Variants in LHFPL2 observed in about 807,000 individuals in gnomAD.
LHFPL2 encodes LHFPL tetraspan subfamily member 2, also known as LHFPL tetraspan subfamily member 2 protein.
LHFPL2 carries 7 observed loss-of-function variants against 17.5 expected under a neutral mutation model. The observed-to-expected ratio is 0.40, with a 90% CI of 0.23 to 0.75. The LOEUF is 0.75. LHFPL2 is among the 30% of genes least tolerant of loss of function. The pLI, the probability that LHFPL2 is intolerant of heterozygous loss-of-function variation, is 0.37. For synonymous variants in LHFPL2, 134 were observed against 116.2 expected (o/e 1.15, Z -0.99); for missense variants, 241 against 294.8 (o/e 0.82, Z 1.34).
At chr5:78,513,660 C>T (rs11744565) in intron 3 of LHFPL2, among the ~76,000 whole-genome samples, 58,068 of 151,876 alleles carry the variant, frequency 0.38, 12,720 homozygotes, top group Non-Finnish European at 0.5. Flanking sequence ...ATCATGGGGG[C>T]GGATCCCCCA....
intron 3 of LHFPL2, among the ~76,000 whole-genome samples, chr5:78,514,835 A>G (rs1755243135): frequency 6.6e-6 from 1 of 152,186 alleles, no homozygotes; most frequent in Admixed American, 6.5e-5. Context: ...CTGTTTTTCA[A>G]CTTTTTTATG....
chr5:78,554,751 G>A (rs1362754620), intron 3 of LHFPL2, among the ~76,000 whole-genome samples: 3 of 152,228 alleles, frequency 2.0e-5, no homozygotes, highest in African/African-American at 2.4e-5. Flanking sequence ...ACAGCCTCAG[G>A]AAGTGAACTG....
intron 4 of LHFPL2, among the ~76,000 whole-genome samples, chr5:78,504,475 T>A (rs1056072900): frequency 9.2e-5 from 14 of 152,118 alleles, no homozygotes; most frequent in African/African-American, 3.4e-4. Context: ...AGATCAGTCA[T>A]GGGGTTGGGC....
chr5:78,620,626 G>A (rs1481524584), intron 2 of LHFPL2, among the ~76,000 whole-genome samples: 1 of 152,156 alleles, frequency 6.6e-6, no homozygotes, highest in African/African-American at 2.4e-5. Context: ...GGTCACGAAT[G>A]GGGAAGCAAG....
chr5:78,515,040 C>A (rs771037093), intron 3 of LHFPL2, among the ~76,000 whole-genome samples: 3 of 152,144 alleles, frequency 2.0e-5, no homozygotes, highest in Non-Finnish European at 4.4e-5. Flanking sequence ...TTAGCATACA[C>A]CTCCTAAAAA....
At chr5:78,555,848 AGAAGTCAGCCAG>A (rs1231443633) in intron 3 of LHFPL2, among the ~76,000 whole-genome samples, 1 of 152,248 alleles carries the variant, frequency 6.6e-6, no homozygotes, top group Non-Finnish European at 1.5e-5. Context: ...GGCAGGCAAA[AGAAGTCAGCCAG>A]GTAGACTGAG....
intron 2 of LHFPL2, among the ~76,000 whole-genome samples, chr5:78,608,671 G>A (rs1303824957): frequency 1.3e-5 from 2 of 151,980 alleles, no homozygotes; most frequent in East Asian, 1.9e-4. Flanking sequence ...GGTGGCTCAC[G>A]CCTGTAATCC....
At chr5:78,602,915 G>A (rs542550133) in intron 2 of LHFPL2, among the ~76,000 whole-genome samples, 15 of 114,672 alleles carry the variant, frequency 1.3e-4, no homozygotes, top group Admixed American at 4.3e-4. Flanking sequence ...TGTTTGAGAC[G>A]GAGTCTTGCT....
At chr5:78,494,763 G>A (rs546616543) in intron 4 of LHFPL2, among the ~76,000 whole-genome samples, 10 of 152,294 alleles carry the variant, frequency 6.6e-5, no homozygotes, top group South Asian at 2.1e-4. Context: ...TTATCTACCC[G>A]TGCAAGAATC....
intron 3 of LHFPL2, among the ~76,000 whole-genome samples, chr5:78,555,447 G>A (rs1170104758): frequency 6.6e-6 from 1 of 152,202 alleles, no homozygotes; most frequent in African/African-American, 2.4e-5. Context: ...ACTCATTCTG[G>A]AAGTGAAGCC....
At position 78,600,726 on chromosome 5, in the gene LHFPL2, C is replaced by T. The variant is rs149172922; in HGVS notation, c.-245+31538G>A. Among the ~76,000 whole-genome samples the T allele has an allele frequency of 1.7e-3, 265 of 152,172 alleles. 1 individual carries two copies. Among genetic ancestry groups the T allele is most frequent in the Non-Finnish European group, 2.7e-3 (187 of 68,012 alleles). Reference sequence around the variant, plus strand: ...CTGGGCAACAAGAGCGAAACTCCGTCTCAAAATAAATAAATAAAGCTTTCA... The same window carrying T: ...CTGGGCAACAAGAGCGAAACTCCGTTTCAAAATAAATAAATAAAGCTTTCA... On this transcript the variant is annotated intron_variant, in intron 2 of 4. Coordinates refer to ENST00000380345, the MANE Select transcript of LHFPL2 (RefSeq NM_005779.3).
At chr5:78,529,102 C>A (rs1755703866) in intron 3 of LHFPL2, among the ~76,000 whole-genome samples, 2 of 151,518 alleles carry the variant, frequency 1.3e-5, no homozygotes, top group Admixed American at 1.3e-4. Context: ...CATAACAAGA[C>A]CACGTCTCTG....
intron 1 of LHFPL2, among the ~76,000 whole-genome samples, chr5:78,639,596 T>C (rs1327419424): frequency 3.9e-5 from 6 of 151,972 alleles, no homozygotes; most frequent in African/African-American, 4.8e-5. Context: ...CTCTCTAGAA[T>C]GTAGAATCAT....
chr5:78,585,243 G>T lies in LHFPL2; in HGVS notation c.-244-20372C>A, dbSNP rs1305366476. Among the ~76,000 whole-genome samples the T allele has an allele frequency of 1.1e-3, 133 of 119,196 alleles. 38 individuals carry two copies. Among genetic ancestry groups the T allele is most frequent in the Non-Finnish European group, 1.9e-3 (98 of 50,958 alleles). The allele number at this position is 119,196 out of a possible 152,430, so 78.2% of individuals were successfully genotyped here. ...GGGATGGTCTCGATATCCTGACCTC[G>T]TGATCCGCCCGCCTCGGCCTCCCAA... is the stretch of plus-strand genomic sequence containing the variant. On this transcript the variant is annotated intron_variant, in intron 2 of 4. Coordinates refer to ENST00000380345, the MANE Select transcript of LHFPL2 (RefSeq NM_005779.3).
At chr5:78,586,659 C>A (rs751644089) in intron 2 of LHFPL2, among the ~76,000 whole-genome samples, 2 of 152,182 alleles carry the variant, frequency 1.3e-5, no homozygotes, top group Non-Finnish European at 2.9e-5. Context: ...TCCTGCTCCA[C>A]CCACTCAGGT....
chr5:78,644,566 G>T, intron 1 of LHFPL2: 1 of 502,544 alleles, frequency 2.0e-6, no homozygotes, highest in South Asian at 2.6e-5. Flanking sequence ...AGGCCTCTTG[G>T]GTACATTGGG....
At position 78,644,250 on chromosome 5, in the gene LHFPL2, A is replaced by C; in HGVS notation, c.-350+4249T>G. On this transcript the variant is annotated intron_variant, in intron 1 of 4. Transcript: ENST00000380345. Reference sequence around the variant, plus strand: ...AATGCTTTATAGATAAGAAAAAAAAACTGTGCTAGAACCAACTTATTCATC... The same window carrying C: ...AATGCTTTATAGATAAGAAAAAAAACCTGTGCTAGAACCAACTTATTCATC... 3 of 722,568 alleles carry C rather than the reference A, an allele frequency of 4.2e-6. No individual in the cohort carries two copies. The South Asian group carries it at 4.8e-5, about 12-fold the overall frequency. The allele number at this position is 722,568 out of a possible 1,614,324, so 44.8% of individuals were successfully genotyped here. A position where few individuals can be genotyped will look rare whatever the true frequency, so the allele number is the denominator to read the frequency against.
intron 2 of LHFPL2, among the ~76,000 whole-genome samples, chr5:78,604,642 T>C (rs918722398): frequency 4.6e-5 from 7 of 152,194 alleles, no homozygotes; most frequent in African/African-American, 1.7e-4. Flanking sequence ...CCAAGAAACT[T>C]GTATTCATGA....
At chr5:78,552,053 C>T (rs116296180) in intron 3 of LHFPL2, among the ~76,000 whole-genome samples, 127 of 152,230 alleles carry the variant, frequency 8.3e-4, no homozygotes, top group African/African-American at 3.0e-3. Context: ...TTTGGGTCTT[C>T]ATTCTGAAGG....
Sources: gnomAD v4.1 joint callset for allele counts (sites outside exome capture counted in the v4.1 genomes callset) on GRCh38, gnomAD v4.1.1 for gene constraint, MANE v1.5 for transcripts, NCBI Gene and HGNC (gene_info 2026-07-23, HGNC 2026-07-21) for gene names.